Variants in OSBPL9 observed in about 807,000 individuals in gnomAD.
The protein encoded by OSBPL9 is oxysterol-binding protein-related protein 9.
In OSBPL9, 40 loss-of-function variants were observed where a neutral mutation model predicts 106.6. The observed-to-expected ratio is 0.38, with a 90% CI of 0.29 to 0.49. OSBPL9 has a LOEUF of 0.49. OSBPL9 is among the 20% of genes least tolerant of loss of function. OSBPL9 has a pLI of 0.97. For synonymous variants in OSBPL9, 269 were observed against 295.4 expected (o/e 0.91, Z 0.92); for missense variants, 609 against 887.2 (o/e 0.69, Z 3.98).
intron 2 of OSBPL9, among the ~76,000 whole-genome samples, chr1:51,655,178 G>A (rs181692579): frequency 9.9e-5 from 15 of 152,224 alleles, no homozygotes; most frequent in Non-Finnish European, 1.8e-4. Context: ...TTAAGGTCTC[G>A]TATGACTGAA....
chr1:51,657,351 G>A (rs1209453442), intron 2 of OSBPL9, among the ~76,000 whole-genome samples: 3 of 152,192 alleles, frequency 2.0e-5, no homozygotes, highest in African/African-American at 7.2e-5. Context: ...ATCAGGTGCT[G>A]TGCTGGATGA....
At chr1:51,762,407 C>T (rs1202939875) in intron 11 of OSBPL9, among the ~76,000 whole-genome samples, 1 of 152,146 alleles carries the variant, frequency 6.6e-6, no homozygotes, top group Admixed American at 6.5e-5. Context: ...AAGCAGTCTT[C>T]CTGCCTCAGC....
chr1:51,684,934 G>C (rs1421310586), intron 3 of OSBPL9, among the ~76,000 whole-genome samples: 1 of 125,382 alleles, frequency 8.0e-6, no homozygotes, highest in African/African-American at 3.2e-5. Context: ...TTTTTTGCAA[G>C]AGAATCTAGC....
At chr1:51,708,543 G>A (rs564720026) in intron 3 of OSBPL9, among the ~76,000 whole-genome samples, 1 of 152,208 alleles carries the variant, frequency 6.6e-6, no homozygotes, top group Admixed American at 6.5e-5. Flanking sequence ...ATTAATGCAA[G>A]TGATGTAACG....
intron 2 of OSBPL9, among the ~76,000 whole-genome samples, chr1:51,602,665 C>CA (rs1325212649): frequency 6.6e-6 from 1 of 151,322 alleles, no homozygotes; most frequent in African/African-American, 2.4e-5. Context: ...TAGTTGGTCT[C>CA]AAACTCCTGG....
At chr1:51,550,550 T>C in the OSBPL9 span, among the ~76,000 whole-genome samples, 1 of 152,248 alleles carries the variant, frequency 6.6e-6, no homozygotes, top group Non-Finnish European at 1.5e-5. Flanking sequence ...TCTCGCTCTG[T>C]TACCCAGGCT....
chr1:51,739,123 A>G (rs974027955), intron 4 of OSBPL9, among the ~76,000 whole-genome samples: 1 of 152,060 alleles, frequency 6.6e-6, no homozygotes, highest in East Asian at 1.9e-4. Context: ...CACTATGTCA[A>G]GGGCCTTCAG....
At chr1:51,684,487 A>G (rs1046487745) in intron 3 of OSBPL9, among the ~76,000 whole-genome samples, 1 of 152,226 alleles carries the variant, frequency 6.6e-6, no homozygotes. Flanking sequence ...GTTATACATG[A>G]TAAATATATA....
At chr1:51,591,446 T>C (rs1207251779) in intron 1 of OSBPL9, among the ~76,000 whole-genome samples, 1 of 152,136 alleles carries the variant, frequency 6.6e-6, no homozygotes, top group Non-Finnish European at 1.5e-5. Context: ...CCGGGGGAAA[T>C]AGAATAAGTC....
chr1:51,597,077 AAC>A (rs1491398790), intron 1 of OSBPL9, among the ~76,000 whole-genome samples: 16 of 152,200 alleles, frequency 1.1e-4, no homozygotes, highest in Non-Finnish European at 2.1e-4. Context: ...AAGAAGAGGC[AAC>A]AAGTGCAAAG....
At chr1:51,629,266 T>C (rs1199639115) in intron 1 of OSBPL9, among the ~76,000 whole-genome samples, 1 of 152,232 alleles carries the variant, frequency 6.6e-6, no homozygotes, top group East Asian at 1.9e-4. Flanking sequence ...TTATTGTCTG[T>C]TTCTGTCTTG....
At chr1:51,777,477 C>A (rs1571733083) in intron 15 of OSBPL9, among the ~76,000 whole-genome samples, 1 of 152,288 alleles carries the variant, frequency 6.6e-6, no homozygotes. Context: ...GTTCACATTG[C>A]CTTTCGCTGG....
At chr1:51,735,771 A>C (rs1665542423) in intron 4 of OSBPL9, among the ~76,000 whole-genome samples, 1 of 152,240 alleles carries the variant, frequency 6.6e-6, no homozygotes, top group Non-Finnish European at 1.5e-5. Flanking sequence ...GCTCAGGATA[A>C]GATTTAGTGT....
At chr1:51,667,082 G>A (rs933370668) in intron 2 of OSBPL9, among the ~76,000 whole-genome samples, 3 of 152,194 alleles carry the variant, frequency 2.0e-5, no homozygotes, top group Admixed American at 2.0e-4. Context: ...AGGGGTAGTT[G>A]TACAGACCTG....
At chr1:51,616,919 T>C (rs1644072084), upstream of OSBPL9, 8 of 982,544 alleles carry the variant, frequency 8.1e-6, no homozygotes, top group Non-Finnish European at 1.2e-5. Context: ...CATTCTCGCA[T>C]CCGTGGCATG....
the OSBPL9 span, among the ~76,000 whole-genome samples, chr1:51,550,387 CT>C: frequency 6.6e-6 from 1 of 152,170 alleles, no homozygotes; most frequent in African/African-American, 2.4e-5. Context: ...AGTATTTTTT[CT>C]TATGTTAGGG....
chr1:51,773,836 T>G lies in OSBPL9; in HGVS notation c.1170+1113T>G, dbSNP rs1674455194. Among the ~76,000 whole-genome samples the G allele has an allele frequency of 2.0e-5, 3 of 152,328 alleles. No homozygotes were observed. The South Asian group carries it at 6.2e-4, about 32-fold the overall frequency. On this transcript the variant is annotated intron_variant, in intron 14 of 23. Coordinates refer to ENST00000428468, the MANE Select transcript of OSBPL9 (RefSeq NM_024586.6). ...ACAGAGACACAAGGACAACTTTTAT[T>G]TGTGGAGCCCAACACACTTACTAGG...
intron 4 of OSBPL9, among the ~76,000 whole-genome samples, chr1:51,726,071 T>C (rs1398668057): frequency 6.6e-6 from 1 of 152,216 alleles, no homozygotes; most frequent in Non-Finnish European, 1.5e-5. Context: ...ATTCTTACAA[T>C]AAAGAGAAAA....
chr1:51,693,374 CT>C (rs1481621428), intron 3 of OSBPL9, among the ~76,000 whole-genome samples: 9 of 141,334 alleles, frequency 6.4e-5, no homozygotes, highest in African/African-American at 2.4e-4. Flanking sequence ...TTAAGACTGT[CT>C]TTAAAAAAAA....
Sources: allele counts gnomAD v4.1 joint callset (sites outside exome capture counted in the v4.1 genomes callset), GRCh38; gene constraint gnomAD v4.1.1; transcripts MANE v1.5; gene names NCBI Gene and HGNC (gene_info 2026-07-23, HGNC 2026-07-21).